The following PARPBP variants were observed in gnomAD, a reference collection of about 807,000 sequenced individuals.
PARPBP encodes the protein PARP1 binding protein, also known as PCNA-interacting partner.
In PARPBP, 52 loss-of-function variants were observed where a neutral mutation model predicts 50.0. The ratio of observed to expected loss-of-function variants is 1.04; its 90% CI spans 0.83 to 1.31. PARPBP has a LOEUF of 1.31. Among genes scored for constraint, PARPBP ranks in the 50% most tolerant of loss-of-function variants. The pLI is 0.00. For synonymous variants in PARPBP, 244 were observed against 232.1 expected (o/e 1.05, Z -0.47); for missense variants, 697 against 672.0 (o/e 1.04, Z -0.41).
At chr12:102,165,420 T>C (rs770877556) in intron 5 of PARPBP, among the ~76,000 whole-genome samples, 1 of 152,154 alleles carries the variant, frequency 6.6e-6, no homozygotes, top group Non-Finnish European at 1.5e-5. Flanking sequence ...AATATATTCA[T>C]AAATGAGTTC....
intron 2 of PARPBP, among the ~76,000 whole-genome samples, chr12:102,133,049 CG>C (rs1883104995): frequency 6.6e-6 from 1 of 151,892 alleles, no homozygotes; most frequent in Non-Finnish European, 1.5e-5. Flanking sequence ...TTTTTGGTGG[CG>C]TCTTTATGGT....
rs1438738927 is a variant in PARPBP, at chr12:102,197,260, A to T, written c.*969A>T. 7.3e-6 allele frequency: 8 copies of T among 1,102,592 alleles called. No individual in the cohort carries two copies. The highest frequency in any genetic ancestry group is 1.0e-5 in the Non-Finnish European group (8 of 762,634). The allele number at this position is 1,102,592 out of a possible 1,614,324, so 68.3% of individuals were successfully genotyped here. On this transcript the variant is annotated 3_prime_UTR_variant, in exon 11 of 11. Coordinates refer to ENST00000327680, the MANE Select transcript of PARPBP (RefSeq NM_017915.5). The stretch of plus-strand genomic sequence containing the variant: ...GTATAATATTCTTGTTGATCAATTC[A>T]AAGTTACTCTGCACTGTTTTTGACT...
At chr12:102,179,507 G>C (rs1164091477) in intron 8 of PARPBP, among the ~76,000 whole-genome samples, 1 of 152,200 alleles carries the variant, frequency 6.6e-6, no homozygotes, top group African/African-American at 2.4e-5. Flanking sequence ...GCTGGTGAGG[G>C]CTTTCCCCTT....
At chr12:102,151,960 C>T (rs1032852368) in intron 3 of PARPBP, 9 of 602,798 alleles carry the variant, frequency 1.5e-5, no homozygotes, top group Non-Finnish European at 2.6e-5. Flanking sequence ...CAGAGAAATG[C>T]TTTTTTTGTG....
chr12:102,169,393 G>C (rs1888465905), intron 6 of PARPBP, among the ~76,000 whole-genome samples: 1 of 152,094 alleles, frequency 6.6e-6, no homozygotes, highest in Admixed American at 6.6e-5. Flanking sequence ...TGCCTCACAG[G>C]CAACTCATAT....
In PARPBP at chr12:102,195,325, T is replaced by C. The variant is rs1355502032; in HGVS notation, c.1277T>C (p.Leu426Ser). ...TTCTGTTACTAGATGAAGCAAACTTTAATTAGATCCCAATTTGCTTGTACT... is the reference window on the plus strand; with the variant it reads ...TTCTGTTACTAGATGAAGCAAACTTCAATTAGATCCCAATTTGCTTGTACT... ...QEKKIKMKQT[L>S]IRSQFACTYK... The change falls in exon 10 of 11, where the codon TTA becomes TCA. Residue 426 changes from leucine (L) to serine (S), a missense_variant. By Grantham distance (145) the Leu-to-Ser change is moderately radical (BLOSUM62 -2). Coordinates refer to ENST00000327680, the MANE Select transcript of PARPBP (RefSeq NM_017915.5). 1.9e-6 allele frequency: 3 copies of C among 1,546,700 alleles called. No individual in the cohort carries two copies. The highest frequency in any genetic ancestry group is 2.6e-6 in the Non-Finnish European group (3 of 1,135,628).
chr12:102,129,296 A>ATT, intron 2 of PARPBP, among the ~76,000 whole-genome samples: 1 of 145,778 alleles, frequency 6.9e-6, no homozygotes, highest in East Asian at 2.0e-4. Flanking sequence ...TCTTTTGCCC[A>ATT]TTTTTTTTTT....
In PARPBP at chr12:102,148,374, A is replaced by C; in HGVS notation, c.298A>C (p.Lys100Gln). The stretch of plus-strand genomic sequence containing the variant: ...TAGGAAGATTTATGATGATTTCTTG[A>C]AGAACAGTAATATGTTAGATCTGAT... The part of the protein sequence containing the change: ...DVRKIYDDFL[K>Q]NSNMLDLIDV... Residue 100 changes from lysine to glutamine, a missense_variant, in exon 3 of 11, where the codon AAG becomes CAG. Transcript: ENST00000327680. 1 of 1,588,490 alleles carries C rather than the reference A, an allele frequency of 6.3e-7. No homozygotes were observed. Among genetic ancestry groups the C allele is most frequent in the Non-Finnish European group, 8.6e-7 (1 of 1,157,056 alleles).
At chr12:102,186,707 G>T (rs1890335066) in intron 9 of PARPBP, among the ~76,000 whole-genome samples, 1 of 152,014 alleles carries the variant, frequency 6.6e-6, no homozygotes, top group Admixed American at 6.6e-5. Context: ...TGCACATCAG[G>T]CACAATTGAA....
At chr12:102,160,464 C>A (rs1887442296) in intron 4 of PARPBP, among the ~76,000 whole-genome samples, 1 of 152,200 alleles carries the variant, frequency 6.6e-6, no homozygotes, top group Non-Finnish European at 1.5e-5. Flanking sequence ...TTTCTGATTA[C>A]AATGTGAATG....
At chr12:102,151,639 G>A in intron 3 of PARPBP, 1 of 1,535,616 alleles carries the variant, frequency 6.5e-7, no homozygotes, top group African/African-American at 1.4e-5. Context: ...CTTGGCTCCT[G>A]GGGAAGATCC....
chr12:102,182,873 A>G (rs1220517150), intron 9 of PARPBP, among the ~76,000 whole-genome samples: 9 of 152,200 alleles, frequency 5.9e-5, no homozygotes, highest in Non-Finnish European at 1.0e-4. Flanking sequence ...AGCAGTTGCT[A>G]TTGTAAGTGT....
chr12:102,120,311 G>T (rs1056333479), intron 1 of PARPBP, 25 bp downstream of exon 1: 3 of 371,978 alleles, frequency 8.1e-6, no homozygotes, highest in Admixed American at 3.0e-5. Context: ...TGCCCTACCT[G>T]CCCTGTCGCA....
At chr12:102,121,615 G>C (rs1310497356) in intron 1 of PARPBP, among the ~76,000 whole-genome samples, 4 of 135,916 alleles carry the variant, frequency 2.9e-5, no homozygotes, top group Non-Finnish European at 3.0e-5. Context: ...GTGCAGTAGT[G>C]CTATCTTGGC....
intron 6 of PARPBP, among the ~76,000 whole-genome samples, chr12:102,166,318 A>C (rs1040560604): frequency 6.6e-6 from 1 of 152,042 alleles, no homozygotes; most frequent in African/African-American, 2.4e-5. Context: ...TCTTTGGTTC[A>C]TCTGGGATTT....
In PARPBP at chr12:102,164,539, A is replaced by C. The variant is rs1887932324; in HGVS notation, c.597A>C (p.Arg199Ser). 6.2e-7 allele frequency: 1 copy of C among 1,612,684 alleles called. No homozygotes were observed. Among genetic ancestry groups the C allele is most frequent in the East Asian group, 2.2e-5 (1 of 44,838 alleles). Residue 199 changes from arginine to serine, a missense_variant, in exon 5 of 11, where the codon AGA (arginine) becomes AGC (serine). Physicochemically the swap from Arg to Ser is moderately radical, Grantham distance 110. Transcript: ENST00000327680. ...CTTATATTCTCAATATTCCTGATAG[A>C]GGACTAGGAAGAGAAGCCTTCACTG... ...AVAYILNIPD[R>S]GLGREAFTDL... is the part of the protein sequence containing the mutation.
intron 2 of PARPBP, among the ~76,000 whole-genome samples, chr12:102,136,491 A>G (rs1483999278): frequency 6.6e-6 from 1 of 152,226 alleles, no homozygotes; most frequent in Non-Finnish European, 1.5e-5. Flanking sequence ...TCATTGTAAG[A>G]ATTTTCACAT....
chr12:102,192,401 T>C (rs1426238264), intron 9 of PARPBP, among the ~76,000 whole-genome samples: 1 of 152,130 alleles, frequency 6.6e-6, no homozygotes, highest in Admixed American at 6.6e-5. Context: ...TAGTAAGTAA[T>C]ACGGCCAGCA....
chr12:102,138,329 T>A, intron 2 of PARPBP, among the ~76,000 whole-genome samples: 1 of 152,234 alleles, frequency 6.6e-6, no homozygotes, highest in East Asian at 1.9e-4. Flanking sequence ...GTTCATATCC[T>A]TTGTGCACTT....
Sources: allele counts gnomAD v4.1 joint callset (sites outside exome capture counted in the v4.1 genomes callset), GRCh38; gene constraint gnomAD v4.1.1; transcripts MANE v1.5; gene names NCBI Gene and HGNC (gene_info 2026-07-23, HGNC 2026-07-21).